The following LIPC variants were observed in gnomAD, a reference collection of about 807,000 sequenced individuals.
LIPC encodes lipase C, hepatic type.
LIPC carries 44 observed loss-of-function variants against 50.7 expected under a neutral mutation model. That is an observed-to-expected ratio of 0.87 (90% CI 0.68 to 1.11). The LOEUF is 1.11. Ranked by LOEUF, LIPC falls within the 50% of genes most tolerant of loss-of-function variation. LIPC has a pLI of 0.00. For synonymous variants in LIPC, 271 were observed against 256.4 expected (o/e 1.06, Z -0.54); for missense variants, 697 against 648.2 (o/e 1.08, Z -0.82).
intron 1 of LIPC, among the ~76,000 whole-genome samples, chr15:58,497,232 C>T (rs1429657568): frequency 1.3e-5 from 2 of 152,144 alleles, no homozygotes; most frequent in Non-Finnish European, 2.9e-5. Flanking sequence ...TCACCCCCGA[C>T]CGAATGACAA....
chr15:58,511,990 A>G (rs1423064333), intron 1 of LIPC, among the ~76,000 whole-genome samples: 3 of 152,234 alleles, frequency 2.0e-5, no homozygotes, highest in Non-Finnish European at 2.9e-5. Flanking sequence ...GGAGACACAC[A>G]CAGCATTTTA....
chr15:58,516,790 C>T (rs1176487993), intron 1 of LIPC, among the ~76,000 whole-genome samples: 3 of 152,126 alleles, frequency 2.0e-5, no homozygotes, highest in Non-Finnish European at 4.4e-5. Context: ...ACTAATTTTA[C>T]CATCTATAAC....
At chr15:58,491,665 C>T (rs1891590792) in intron 1 of LIPC, among the ~76,000 whole-genome samples, 1 of 152,226 alleles carries the variant, frequency 6.6e-6, no homozygotes, top group African/African-American at 2.4e-5. Flanking sequence ...GCAACAACTT[C>T]ACAGTCGTAC....
intron 1 of LIPC, among the ~76,000 whole-genome samples, chr15:58,513,071 T>C (rs1338814929): frequency 7.9e-5 from 12 of 152,162 alleles, no homozygotes; most frequent in African/African-American, 2.9e-4. Flanking sequence ...CGCTCGACCT[T>C]TCTCAGGCAT....
chr15:58,464,310 G>A (rs1286631440), intron 1 of LIPC, among the ~76,000 whole-genome samples: 1 of 152,166 alleles, frequency 6.6e-6, no homozygotes, highest in Admixed American at 6.5e-5. Context: ...GGTGGGTAGT[G>A]CCGCCTGTGT....
intron 1 of LIPC, among the ~76,000 whole-genome samples, chr15:58,487,984 G>A (rs1891435237): frequency 6.6e-6 from 1 of 152,210 alleles, no homozygotes; most frequent in Admixed American, 6.5e-5. Flanking sequence ...TCATCAGTAA[G>A]GAAGTGGCCA....
chr15:58,531,709 C>CA (rs1449076716), intron 1 of LIPC, among the ~76,000 whole-genome samples: 2 of 144,910 alleles, frequency 1.4e-5, no homozygotes, highest in African/African-American at 5.1e-5. Context: ...TCTTATTTGA[C>CA]AAAAAAATAG....
chr15:58,456,775 G>C (rs1408838735), intron 1 of LIPC, among the ~76,000 whole-genome samples: 2 of 152,218 alleles, frequency 1.3e-5, no homozygotes, highest in East Asian at 3.8e-4. Flanking sequence ...GAAAACGAGA[G>C]GTCCTCTGTC....
chr15:58,505,764 T>A (rs1892126822), intron 1 of LIPC, among the ~76,000 whole-genome samples: 1 of 152,162 alleles, frequency 6.6e-6, no homozygotes, highest in Non-Finnish European at 1.5e-5. Context: ...TAAACAACTA[T>A]CTCTAAAGCC....
chr15:58,487,616 C>T (rs1008987462), intron 1 of LIPC, among the ~76,000 whole-genome samples: 1 of 152,184 alleles, frequency 6.6e-6, no homozygotes, highest in African/African-American at 2.4e-5. Context: ...CTGGCCCAAA[C>T]AAGCTAATTA....
intron 1 of LIPC, among the ~76,000 whole-genome samples, chr15:58,495,376 T>C (rs1891730671): frequency 6.6e-6 from 1 of 152,248 alleles, no homozygotes; most frequent in Non-Finnish European, 1.5e-5. Context: ...GTAGATACTC[T>C]TCATAGAATC....
At chr15:58,462,400 A>G (rs770969469) in intron 1 of LIPC, among the ~76,000 whole-genome samples, 3 of 152,194 alleles carry the variant, frequency 2.0e-5, no homozygotes, top group Non-Finnish European at 4.4e-5. Flanking sequence ...CTGTCCCCCT[A>G]AACAGTATTA....
At chr15:58,488,159 T>A (rs1479611975) in intron 1 of LIPC, among the ~76,000 whole-genome samples, 2 of 152,184 alleles carry the variant, frequency 1.3e-5, no homozygotes, top group Admixed American at 1.3e-4. Flanking sequence ...TAATCCCAGC[T>A]ACTCAGGAGG....
chr15:58,542,617 C>G lies in LIPC; in HGVS notation c.540C>G (p.Ser180=). ...ACGTGTCAGGATTTGCCGGCAGTTC[C>G]ATCGGTGGAACGCACAAGATTGGGA... ...GAHVSGFAGS[S]IGGTHKIGRI... is the part of the protein sequence containing the mutation. Residue 180 remains serine, a synonymous_variant, in exon 4 of 9, where the codon TCC becomes TCG. Transcript: ENST00000299022. 6.2e-7 allele frequency: 1 copy of G among 1,613,614 alleles called. No individual in the cohort carries two copies. Among genetic ancestry groups the G allele is most frequent in the Non-Finnish European group, 8.5e-7 (1 of 1,179,610 alleles).
At position 58,461,533 on chromosome 15, in the gene LIPC, C is replaced by G. The variant is rs1481505764; in HGVS notation, c.88+29413C>G. ...AAGCGATTCTCCTGCCTCAGCCTCC[C>G]GATTAGCTGGGATTACTGGTGTGCA... On this transcript the variant is annotated intron_variant, in intron 1 of 8. Coordinates refer to ENST00000299022, the MANE Select transcript of LIPC (RefSeq NM_000236.3). Among the ~76,000 whole-genome samples, 4 of 152,048 alleles carry G rather than the reference C, an allele frequency of 2.6e-5. No homozygotes were observed. In the East Asian group the frequency reaches 7.7e-4, roughly 29 times the overall value.
At chr15:58,435,524 G>C (rs1413683373) in intron 1 of LIPC, 1 of 152,140 alleles carries the variant, frequency 6.6e-6, no homozygotes, top group African/African-American at 2.4e-5. Context: ...CTGGGTGGAG[G>C]GGGGATGTGC....
intron 1 of LIPC, among the ~76,000 whole-genome samples, chr15:58,477,878 A>T (rs1454714893): frequency 1.3e-5 from 2 of 152,030 alleles, no homozygotes; most frequent in African/African-American, 2.4e-5. Context: ...TCTTGGGGAA[A>T]ATTTGAGCCA....
chr15:58,466,996 A>AT (rs797020072), intron 1 of LIPC, among the ~76,000 whole-genome samples: 1 of 152,118 alleles, frequency 6.6e-6, no homozygotes, highest in Admixed American at 6.6e-5. Flanking sequence ...TGACAACCTC[A>AT]TTTTTTTATA....
At chr15:58,445,260 C>A (rs1413919754) in intron 1 of LIPC, among the ~76,000 whole-genome samples, 1 of 152,242 alleles carries the variant, frequency 6.6e-6, no homozygotes, top group East Asian at 1.9e-4. Flanking sequence ...CACCCTCTGG[C>A]TTGGCGCCTT....
Sources: allele counts gnomAD v4.1 joint callset (sites outside exome capture counted in the v4.1 genomes callset), GRCh38; gene constraint gnomAD v4.1.1; transcripts MANE v1.5; gene names NCBI Gene and HGNC (gene_info 2026-07-23, HGNC 2026-07-21).